Variants in TBC1D7 observed in about 807,000 individuals in gnomAD.
The protein encoded by TBC1D7 is TBC1 domain family member 7, also known as TBC domain family 7.
A neutral mutation model predicts 35.3 loss-of-function variants in TBC1D7; 33 were observed. The observed-to-expected ratio is 0.93, with a 90% CI of 0.71 to 1.25. The LOEUF (loss-of-function observed/expected upper bound fraction) is 1.25. TBC1D7 is among the 50% of genes most tolerant of loss of function. The pLI is 0.00. For missense variants in TBC1D7, 362 were observed against 365.3 expected, an observed-to-expected ratio of 0.99 and a Z score of 0.07; for synonymous variants, 135 against 129.5, an observed-to-expected ratio of 1.04 and a Z score of -0.29.
Position 13,326,889 on chromosome 6 carries a change from C to T in TBC1D7, c.10G>A (p.Asp4Asn), listed in dbSNP as rs1784438778. Residue 4 changes from aspartate to asparagine, a missense_variant, in exon 2 of 8, where the codon GAC (aspartate) becomes AAC (asparagine). Coordinates refer to ENST00000379300, the MANE Select transcript of TBC1D7 (RefSeq NM_016495.6). ...ACTGAACGAAAGTTTCTCTGAGAGT[C>T]CTCAGTCATATTTCATTCTTGGAGG... MTE[D>N]SQRNFRSVYY... 1 of 1,601,250 alleles carries T rather than the reference C, an allele frequency of 6.2e-7. No individual in the cohort carries two copies. Among genetic ancestry groups the T allele is most frequent in the African/African-American group, 1.3e-5 (1 of 74,362 alleles).
intron 4 of TBC1D7, chr6:13,318,303 C>A (rs528783180): frequency 6.6e-6 from 1 of 152,166 alleles, no homozygotes; most frequent in African/African-American, 2.4e-5. Context: ...GACTGGGAGA[C>A]GTGGGATGGC....
At chr6:13,324,260 T>C (rs1482784872) in intron 3 of TBC1D7, among the ~76,000 whole-genome samples, 1 of 152,108 alleles carries the variant, frequency 6.6e-6, no homozygotes, top group Non-Finnish European at 1.5e-5. Flanking sequence ...TCCAGGTAGC[T>C]GGGACTACAG....
intron 3 of TBC1D7, among the ~76,000 whole-genome samples, chr6:13,323,283 G>A (rs149517850): frequency 6.6e-6 from 1 of 152,190 alleles, no homozygotes; most frequent in East Asian, 1.9e-4. Flanking sequence ...AACCCGGGAG[G>A]CAGAGGTTGC....
chr6:13,321,470 G>A (rs1157504862), intron 3 of TBC1D7, among the ~76,000 whole-genome samples: 1 of 152,130 alleles, frequency 6.6e-6, no homozygotes, highest in African/African-American at 2.4e-5. Context: ...CCTAGTCTTT[G>A]TACTTGGCCC....
intron 5 of TBC1D7, among the ~76,000 whole-genome samples, chr6:13,310,636 T>TAAAAAAAAAAA (rs1783130782): frequency 1.5e-5 from 1 of 65,320 alleles, no homozygotes; most frequent in Non-Finnish European, 3.0e-5. Flanking sequence ...AGACTCCGTC[T>TAAAAAAAAAAA]CAAAAAAAAA....
chr6:13,310,872 T>C (rs1394279469), intron 5 of TBC1D7, among the ~76,000 whole-genome samples: 1 of 152,134 alleles, frequency 6.6e-6, no homozygotes. Context: ...GGAGCTAATA[T>C]TTATATTGCC....
intron 5 of TBC1D7, among the ~76,000 whole-genome samples, chr6:13,315,406 T>C (rs995883868): frequency 6.6e-6 from 1 of 152,228 alleles, no homozygotes; most frequent in Non-Finnish European, 1.5e-5. Flanking sequence ...AGGAATATAC[T>C]GAATACACAT....
chr6:13,321,016 G>C lies in TBC1D7; in HGVS notation c.273C>G (p.Ala91=). The change falls in exon 4 of 8, where the codon GCC becomes GCG. Residue 91 remains alanine, a synonymous_variant. Transcript: ENST00000379300. ...RKEQYLDVLH[A]LKVVRFVSDA... ...CACTAACAAAGCGAACGACTTTCAG[G>C]GCATGAAGGACATCCAAGTACTGCT... 5.0e-6 allele frequency: 8 copies of C among 1,614,094 alleles called. No individual in the cohort carries two copies. Among genetic ancestry groups the C allele is most frequent in the Non-Finnish European group, 6.8e-6 (8 of 1,179,992 alleles).
chr6:13,317,674 T>C (rs896822079), intron 4 of TBC1D7, among the ~76,000 whole-genome samples: 10 of 152,134 alleles, frequency 6.6e-5, no homozygotes, highest in East Asian at 3.9e-4. Flanking sequence ...GAAAGGAAAA[T>C]CTCCTTTCTT....
At position 13,325,190 on chromosome 6, in the gene TBC1D7, A is replaced by C. The variant is rs1784324221; in HGVS notation, c.113-16T>G. 3 of 1,582,248 alleles carry C rather than the reference A, an allele frequency of 1.9e-6. No homozygotes were observed. In the South Asian group the frequency reaches 3.4e-5, roughly 18 times the overall value. ...TTCTCAGTATCTAGAGGAAGAAGAAAACAATTGTTAGAAGCTTTTCATGCT... is the reference window on the plus strand; with the variant it reads ...TTCTCAGTATCTAGAGGAAGAAGAACACAATTGTTAGAAGCTTTTCATGCT... On this transcript the variant is annotated splice_polypyrimidine_tract_variant and intron_variant, in intron 2 of 7. Coordinates refer to ENST00000379300, the MANE Select transcript of TBC1D7 (RefSeq NM_016495.6).
intron 4 of TBC1D7, chr6:13,319,748 T>C (rs975173708): frequency 1.3e-5 from 2 of 152,194 alleles, no homozygotes; most frequent in Non-Finnish European, 2.9e-5. Flanking sequence ...TCCAACATTA[T>C]TTAAAAAGTT....
At chr6:13,309,091 C>T (rs965552484) in intron 5 of TBC1D7, among the ~76,000 whole-genome samples, 4 of 152,252 alleles carry the variant, frequency 2.6e-5, no homozygotes, top group African/African-American at 9.6e-5. Context: ...GTTTATCCAA[C>T]CTCCCTATAC....
At position 13,324,254 on chromosome 6, in the gene TBC1D7, G is replaced by A. The variant is rs945971070; in HGVS notation, c.193+840C>T. ...GCGATTCTCCTTCCTCAGCCTTCCA[G>A]GTAGCTGGGACTACAGGCGCATGCC... On this transcript the variant is annotated intron_variant, in intron 3 of 7. Transcript: ENST00000379300. Among the ~76,000 whole-genome samples the A allele has an allele frequency of 4.6e-5, 7 of 151,830 alleles. 1 individual carries two copies. Among genetic ancestry groups the A allele is most frequent in the Admixed American group, 4.6e-4 (7 of 15,250 alleles).
At position 13,316,557 on chromosome 6, in the gene TBC1D7, A is replaced by C; in HGVS notation, c.519+14T>G. 1 of 1,586,582 alleles carries C rather than the reference A, an allele frequency of 6.3e-7. No individual in the cohort carries two copies. Among genetic ancestry groups the C allele is most frequent in the South Asian group, 1.2e-5 (1 of 85,066 alleles). On this transcript the variant is annotated intron_variant, in intron 5 of 7. Transcript: ENST00000379300. The stretch of plus-strand genomic sequence containing the variant: ...TTCACTCTCCAATAGCCAAAAAAAA[A>C]AAAAAGCCCTCACCAACTGGGGCAA...
At chr6:13,308,861 G>C (rs377191319) in intron 5 of TBC1D7, among the ~76,000 whole-genome samples, 32 of 152,318 alleles carry the variant, frequency 2.1e-4, no homozygotes, top group African/African-American at 7.5e-4. Flanking sequence ...ACAATACACT[G>C]TAACGCTGTG....
intron 5 of TBC1D7, 103 bp from the exon 6 acceptor site, chr6:13,307,848 G>T: frequency 7.8e-7 from 1 of 1,288,218 alleles, no homozygotes; most frequent in Admixed American, 2.3e-5. Flanking sequence ...ATTCAAGGAA[G>T]TATTAGAAAA....
intron 3 of TBC1D7, among the ~76,000 whole-genome samples, chr6:13,322,933 T>C (rs369921159): frequency 1.1e-4 from 16 of 152,342 alleles, no homozygotes; most frequent in African/African-American, 3.6e-4. Flanking sequence ...TATCAGGAAG[T>C]AGGCATTTGA....
chr6:13,321,851 T>C (rs1166718505), intron 3 of TBC1D7, among the ~76,000 whole-genome samples: 1 of 152,086 alleles, frequency 6.6e-6, no homozygotes, highest in African/African-American at 2.4e-5. Context: ...CTCCACAGAA[T>C]GCTAACCCCA....
chr6:13,315,533 A>G (rs1307912757), intron 5 of TBC1D7, among the ~76,000 whole-genome samples: 1 of 152,072 alleles, frequency 6.6e-6, no homozygotes, highest in Admixed American at 6.5e-5. Context: ...GACCAACACG[A>G]TGCAACCCCG....
Sources: gnomAD v4.1 joint callset for allele counts (sites outside exome capture counted in the v4.1 genomes callset) on GRCh38, gnomAD v4.1.1 for gene constraint, MANE v1.5 for transcripts, NCBI Gene and HGNC (gene_info 2026-07-23, HGNC 2026-07-21) for gene names.